DNMBP: variants seen among roughly 807,000 people sequenced by gnomAD.
The protein encoded by DNMBP is dynamin-binding protein.
A neutral mutation model predicts 150.0 loss-of-function variants in DNMBP; 87 were observed. That is an observed-to-expected ratio of 0.58 (90% CI 0.49 to 0.69). The LOEUF is 0.69. Ranked by LOEUF, DNMBP falls within the 30% of genes least tolerant of loss-of-function variation. The pLI is 0.00. For missense variants in DNMBP, 1,774 were observed against 1,949.0 expected, an observed-to-expected ratio of 0.91 and a Z score of 1.69; for synonymous variants, 711 against 750.4, an observed-to-expected ratio of 0.95 and a Z score of 0.86.
At chr10:99,907,185 G>A (rs1289865942) in intron 6 of DNMBP, among the ~76,000 whole-genome samples, 1 of 151,816 alleles carries the variant, frequency 6.6e-6, no homozygotes, top group Non-Finnish European at 1.5e-5. Context: ...AAATTAGCTG[G>A]GCGTGGTGGC....
At chr10:99,987,986 G>C (rs2040846255) in intron 1 of DNMBP, among the ~76,000 whole-genome samples, 1 of 152,120 alleles carries the variant, frequency 6.6e-6, no homozygotes, top group African/African-American at 2.4e-5. Context: ...TAGGCAGTTA[G>C]CATGTCTGAT....
At chr10:99,920,455 C>T (rs2040011410) in intron 4 of DNMBP, among the ~76,000 whole-genome samples, 1 of 152,130 alleles carries the variant, frequency 6.6e-6, no homozygotes, top group African/African-American at 2.4e-5. Flanking sequence ...TCCCCTATCT[C>T]TTCCCAGACT....
intron 4 of DNMBP, among the ~76,000 whole-genome samples, chr10:99,943,272 T>C (rs6584336): frequency 0.47 from 70,387 of 150,712 alleles, 17,374 homozygotes; most frequent in African/African-American, 0.63. Context: ...GTGACAAGAG[T>C]GAGACTCTGT....
chr10:99,936,061 A>G (rs2040226994), intron 4 of DNMBP, among the ~76,000 whole-genome samples: 1 of 152,180 alleles, frequency 6.6e-6, no homozygotes, highest in South Asian at 2.1e-4. Context: ...TTTTAACTAT[A>G]AAAGTATAGG....
At chr10:99,943,060 G>A (rs1011896913) in intron 4 of DNMBP, among the ~76,000 whole-genome samples, 3 of 152,068 alleles carry the variant, frequency 2.0e-5, no homozygotes, top group Non-Finnish European at 4.4e-5. Context: ...AGGGGGGGGC[G>A]GATCACCTGA....
At chr10:99,996,842 C>T (rs992028939) in intron 1 of DNMBP, among the ~76,000 whole-genome samples, 1 of 152,140 alleles carries the variant, frequency 6.6e-6, no homozygotes, top group Non-Finnish European at 1.5e-5. Flanking sequence ...CACTATCCCA[C>T]AGAACTATCA....
chr10:99,901,514 T>A lies in DNMBP; in HGVS notation c.2555-1448A>T, dbSNP rs1230981486. Among the ~76,000 whole-genome samples, 4 of 152,242 alleles carry A rather than the reference T, an allele frequency of 2.6e-5. No homozygotes were observed. The South Asian group carries it at 6.2e-4, about 24-fold the overall frequency. Reference sequence around the variant, plus strand: ...CTAGTAAAAAAAATAAAGAGGTCATTTTTTTCCCTATCCCCAGACCCCTCA... The same window carrying A: ...CTAGTAAAAAAAATAAAGAGGTCATATTTTTCCCTATCCCCAGACCCCTCA... On this transcript the variant is annotated intron_variant, in intron 6 of 16. Transcript: ENST00000324109.
At chr10:99,899,707 T>G (rs2039711088) in intron 7 of DNMBP, among the ~76,000 whole-genome samples, 1 of 152,188 alleles carries the variant, frequency 6.6e-6, no homozygotes, top group Non-Finnish European at 1.5e-5. Context: ...CTCTCCTGGC[T>G]GCTTTTTAAC....
intron 4 of DNMBP, among the ~76,000 whole-genome samples, chr10:99,954,548 C>G (rs2040461034): frequency 6.6e-6 from 1 of 151,282 alleles, no homozygotes; most frequent in South Asian, 2.1e-4. Context: ...AGTTCGAGAC[C>G]AGCCTGACCA....
At chr10:99,966,037 A>C (rs1232862985) in intron 3 of DNMBP, among the ~76,000 whole-genome samples, 1 of 152,268 alleles carries the variant, frequency 6.6e-6, no homozygotes, top group Non-Finnish European at 1.5e-5. Context: ...ATACCTGTTG[A>C]TGTGACTTGT....
intron 3 of DNMBP, chr10:99,957,857 G>T (rs555501472): frequency 6.6e-6 from 1 of 152,358 alleles, no homozygotes; most frequent in East Asian, 1.9e-4. Flanking sequence ...AAAATGGCTG[G>T]GCGCGATGGC....
chr10:99,932,356 G>A (rs1253605876), intron 4 of DNMBP, among the ~76,000 whole-genome samples: 1 of 152,086 alleles, frequency 6.6e-6, no homozygotes, highest in Non-Finnish European at 1.5e-5. Context: ...GATTCCCCCA[G>A]CATGTTTCTA....
intron 1 of DNMBP, among the ~76,000 whole-genome samples, chr10:99,984,212 G>A (rs1367352159): frequency 1.3e-5 from 2 of 151,968 alleles, no homozygotes; most frequent in Non-Finnish European, 2.9e-5. Context: ...AATATTTCAG[G>A]ACCTACAAAG....
intron 1 of DNMBP, among the ~76,000 whole-genome samples, chr10:99,993,083 A>ACCTGCTCAAAAAAAAAAAAAC (rs1271317657): frequency 6.6e-6 from 1 of 152,042 alleles, no homozygotes; most frequent in Non-Finnish European, 1.5e-5. Context: ...TAAAAATAAA[A>ACCTGCTCAAAAAAAAAAAAAC]CCTGCTCATA....
intron 16 of DNMBP, among the ~76,000 whole-genome samples, chr10:99,878,775 G>A (rs988969007): frequency 2.6e-5 from 4 of 152,110 alleles, no homozygotes; most frequent in Non-Finnish European, 4.4e-5. Flanking sequence ...GGCAACAAAC[G>A]GTGCAGCAAA....
intron 14 of DNMBP, among the ~76,000 whole-genome samples, chr10:99,885,315 C>T (rs961222464): frequency 4.6e-5 from 7 of 152,136 alleles, no homozygotes; most frequent in African/African-American, 1.7e-4. Context: ...TCGAGACCAC[C>T]CTGGCCAACA....
chr10:99,881,489 A>C (rs2001222), intron 15 of DNMBP, among the ~76,000 whole-genome samples: 20,068 of 152,242 alleles, frequency 0.13, 1,949 homozygotes, highest in African/African-American at 0.27. Context: ...ACAATTTTTC[A>C]TAACACTGTC....
chr10:99,917,755 G>A (rs1159207471), intron 4 of DNMBP, among the ~76,000 whole-genome samples: 1 of 151,892 alleles, frequency 6.6e-6, no homozygotes, highest in Non-Finnish European at 1.5e-5. Context: ...CACGAGGTCA[G>A]GAGTTCGAGA....
intron 4 of DNMBP, among the ~76,000 whole-genome samples, chr10:99,925,924 A>G (rs1156327046): frequency 6.6e-6 from 1 of 152,230 alleles, no homozygotes; most frequent in Admixed American, 6.5e-5. Flanking sequence ...TATTTACAAA[A>G]ACATGGGATT....
Sources: allele counts gnomAD v4.1 joint callset (sites outside exome capture counted in the v4.1 genomes callset), GRCh38; gene constraint gnomAD v4.1.1; transcripts MANE v1.5; gene names NCBI Gene and HGNC (gene_info 2026-07-23, HGNC 2026-07-21).